Variants in ANK3 observed in about 807,000 individuals in gnomAD.
ANK3 encodes the protein ankyrin 3, also known as ankyrin-3.
Under a neutral mutation model 370.9 loss-of-function variants are expected in ANK3, and 57 were observed. The ratio of observed to expected loss-of-function variants is 0.15; its 90% confidence interval spans 0.12 to 0.19. ANK3 has a LOEUF of 0.19. Ranked by LOEUF, ANK3 falls within the 10% of genes least tolerant of loss-of-function variation. The pLI, the probability that ANK3 is intolerant of heterozygous loss-of-function variation, is 1.00. For missense variants in ANK3, 4,439 were observed against 5,302.1 expected (o/e 0.84, Z 5.06); for synonymous variants, 1,929 against 1,946.3 (o/e 0.99, Z 0.23).
At chr10:60,716,868 C>T (rs1749471360) in intron 1 of ANK3, among the ~76,000 whole-genome samples, 1 of 152,080 alleles carries the variant, frequency 6.6e-6, no homozygotes, top group Non-Finnish European at 1.5e-5. Flanking sequence ...CATATTCAAT[C>T]TTCATTTAGT....
At chr10:60,637,807 T>TTAACTGCTATAGGAATTTCCTTTCTGATG (rs2078575950) in intron 1 of ANK3, among the ~76,000 whole-genome samples, 2 of 152,160 alleles carry the variant, frequency 1.3e-5, no homozygotes, top group Admixed American at 1.3e-4. Context: ...CCCTAAAAGA[T>TTAACTGCTATAGGAATTTCCTTTCTGATG]TAACTGCTAT....
chr10:60,379,596 T>C (rs1375715860), intron 1 of ANK3, among the ~76,000 whole-genome samples: 1 of 152,102 alleles, frequency 6.6e-6, no homozygotes, highest in Non-Finnish European at 1.5e-5. Context: ...GACTTCATGT[T>C]AAGTGAAATA....
intron 1 of ANK3, among the ~76,000 whole-genome samples, chr10:60,311,369 T>C (rs999415413): frequency 2.6e-5 from 4 of 151,346 alleles, no homozygotes; most frequent in Admixed American, 6.6e-5. Flanking sequence ...GTCAAACCAC[T>C]GAAATGTAAC....
At chr10:60,725,129 TA>T (rs1207576342) in intron 1 of ANK3, among the ~76,000 whole-genome samples, 4 of 152,230 alleles carry the variant, frequency 2.6e-5, no homozygotes, top group Non-Finnish European at 5.9e-5. Flanking sequence ...TAATGAATTT[TA>T]AACTCACATA....
rs74232495 is a variant in ANK3 at position 60,295,886 on chromosome 10, T to C, written c.115-16247A>G. Among the ~76,000 whole-genome samples, 9 of 152,162 alleles carry C rather than the reference T, an allele frequency of 5.9e-5. No homozygotes were observed. The East Asian group carries it at 1.7e-3, about 29-fold the overall frequency. On this transcript the variant is annotated intron_variant, in intron 1 of 43. Transcript: ENST00000280772. ...AATAAAAAAGATGAGATGAATGGTA[T>C]TGTTTTACGAGTCTGCAAATCTCTT... is the stretch of plus-strand genomic sequence containing the variant.
chr10:60,348,690 T>C (rs778318385), intron 1 of ANK3, among the ~76,000 whole-genome samples: 19 of 152,148 alleles, frequency 1.2e-4, no homozygotes, highest in Non-Finnish European at 2.6e-4. Context: ...GGTGTGGTAG[T>C]GGTGGTTTTT....
chr10:60,679,267 G>A (rs758349241), intron 1 of ANK3, among the ~76,000 whole-genome samples: 24 of 152,128 alleles, frequency 1.6e-4, no homozygotes, highest in Non-Finnish European at 1.8e-4. Context: ...GTAGTTAAGC[G>A]GACATAAGCA....
chr10:60,156,442 G>A (rs2095330094), intron 23 of ANK3, among the ~76,000 whole-genome samples: 1 of 152,172 alleles, frequency 6.6e-6, no homozygotes. Context: ...CAGCCAGGCA[G>A]TAGTGACTAC....
chr10:60,136,096 T>C lies in ANK3; in HGVS notation c.2739-1723A>G, dbSNP rs2094330969. Among the ~76,000 whole-genome samples, 3 of 151,850 alleles carry C rather than the reference T, an allele frequency of 2.0e-5. No individual in the cohort carries two copies. The Admixed American group carries it at 2.0e-4, about 10-fold the overall frequency. Reference sequence around the variant, plus strand: ...TCATGGGACCCATTACTCTCTTTTTTCCCCAGTTTCAATTGCAAGCCCTTC... The same window carrying C: ...TCATGGGACCCATTACTCTCTTTTTCCCCCAGTTTCAATTGCAAGCCCTTC... On this transcript the variant is annotated intron_variant, in intron 24 of 43. Transcript: ENST00000280772.
At chr10:60,449,439 T>C (rs1286530582) in intron 2 of ANK3, among the ~76,000 whole-genome samples, 3 of 152,166 alleles carry the variant, frequency 2.0e-5, no homozygotes, top group African/African-American at 4.8e-5. Context: ...TCAGTAGCCA[T>C]ACGTAGCCAG....
intron 1 of ANK3, among the ~76,000 whole-genome samples, chr10:60,284,218 A>C (rs1299201864): frequency 1.3e-5 from 2 of 152,152 alleles, no homozygotes; most frequent in Non-Finnish European, 2.9e-5. Flanking sequence ...GGAAGAGGCA[A>C]GGAAGAATTC....
At chr10:60,338,019 A>G (rs1405397534) in intron 1 of ANK3, among the ~76,000 whole-genome samples, 1 of 152,138 alleles carries the variant, frequency 6.6e-6, no homozygotes, top group East Asian at 1.9e-4. Context: ...GCTGTTGTGA[A>G]CTATGAGGAA....
intron 2 of ANK3, among the ~76,000 whole-genome samples, chr10:60,408,761 T>C (rs1170388951): frequency 1.3e-5 from 2 of 152,144 alleles, no homozygotes; most frequent in African/African-American, 4.8e-5. Context: ...AGAAAACGCT[T>C]CCGTCACTGG....
chr10:60,536,858 T>C (rs2076736417), intron 2 of ANK3, among the ~76,000 whole-genome samples: 1 of 152,066 alleles, frequency 6.6e-6, no homozygotes, highest in Non-Finnish European at 1.5e-5. Flanking sequence ...ATCTGCTGTC[T>C]ATAAAAACTT....
rs1465650451 is a variant in ANK3, at chr10:60,499,589, T to C, written c.96+115597A>G. Reference sequence around the variant, plus strand: ...ATACGGAAAGAAAACACCACATTCATAAGGGATACTTAACACACAATGTTT... The same window carrying C: ...ATACGGAAAGAAAACACCACATTCACAAGGGATACTTAACACACAATGTTT... On this transcript the variant is annotated intron_variant, in intron 2 of 43. Coordinates refer to the ANK3 transcript ENST00000373827. 3.3e-5 allele frequency among the ~76,000 whole-genome samples: 5 copies of C among 152,326 alleles called. No individual in the cohort carries two copies. In the East Asian group the frequency reaches 5.8e-4, roughly 18 times the overall value.
At chr10:60,382,797 C>CTATCTATATATA (rs2061711962) in intron 1 of ANK3, among the ~76,000 whole-genome samples, 1 of 133,744 alleles carries the variant, frequency 7.5e-6, no homozygotes, top group Non-Finnish European at 1.6e-5. Context: ...ATACCTAAAT[C>CTATCTATATATA]TATATATATA....
intron 2 of ANK3, among the ~76,000 whole-genome samples, chr10:60,433,277 A>T (rs1170772819): frequency 6.6e-6 from 1 of 152,150 alleles, no homozygotes; most frequent in Non-Finnish European, 1.5e-5. Flanking sequence ...GAACAGCAGC[A>T]GAGCCACAGT....
chr10:60,203,454 A>T (rs868838592), intron 11 of ANK3, among the ~76,000 whole-genome samples: 1 of 152,148 alleles, frequency 6.6e-6, no homozygotes, highest in Non-Finnish European at 1.5e-5. Flanking sequence ...GTGTGTGTGT[A>T]GAAGGAGGAG....
At chr10:60,529,730 A>G (rs2076560386) in intron 2 of ANK3, among the ~76,000 whole-genome samples, 1 of 152,200 alleles carries the variant, frequency 6.6e-6, no homozygotes, top group Admixed American at 6.5e-5. Flanking sequence ...AAGCACTGGC[A>G]TATATGAGAT....
Sources: allele counts gnomAD v4.1 joint callset (sites outside exome capture counted in the v4.1 genomes callset), GRCh38; gene constraint gnomAD v4.1.1; transcripts MANE v1.5; gene names NCBI Gene and HGNC (gene_info 2026-07-23, HGNC 2026-07-21).